Variants in PSTPIP2 observed in about 807,000 individuals in gnomAD.
The protein encoded by PSTPIP2 is proline-serine-threonine phosphatase-interacting protein 2.
A neutral mutation model predicts 63.3 loss-of-function variants in PSTPIP2; 33 were observed. The ratio of observed to expected loss-of-function variants is 0.52; its 90% CI spans 0.40 to 0.70. PSTPIP2 has a LOEUF of 0.70. Ranked by LOEUF, PSTPIP2 falls within the 30% of genes least tolerant of loss-of-function variation. The pLI is 0.00. For synonymous variants in PSTPIP2, 125 were observed against 132.7 expected (o/e 0.94, Z 0.40); for missense variants, 312 against 400.7 (o/e 0.78, Z 1.89).
chr18:46,036,173 TATA>T (rs750932513), intron 2 of PSTPIP2, among the ~76,000 whole-genome samples: 2 of 149,828 alleles, frequency 1.3e-5, no homozygotes, highest in African/African-American at 2.4e-5. Flanking sequence ...GTTAATGTGT[TATA>T]ATATTGATTG....
intron 2 of PSTPIP2, among the ~76,000 whole-genome samples, chr18:46,035,888 A>G (rs1050825338): frequency 1.3e-5 from 2 of 152,178 alleles, no homozygotes; most frequent in Non-Finnish European, 2.9e-5. Flanking sequence ...TGCAGCCAAC[A>G]TAAGTGCCAA....
intron 1 of PSTPIP2, among the ~76,000 whole-genome samples, chr18:46,044,353 G>A (rs1251061231): frequency 5.3e-5 from 8 of 152,094 alleles, no homozygotes; most frequent in Non-Finnish European, 1.5e-5. Context: ...AAATAACACT[G>A]CATATCTACA....
Position 46,072,183 on chromosome 18 carries a change from C to T in PSTPIP2, c.6G>A (p.Thr2=), listed in dbSNP as rs367809110. The part of the protein sequence containing the change: M[T]RSLFKGNFWS... ...AAAAGTTTCCCTTGAACAGTGAGCGCGTCATCGCAGCGCGAGTGGGGGCGC... is the reference window on the plus strand; with the variant it reads ...AAAAGTTTCCCTTGAACAGTGAGCGTGTCATCGCAGCGCGAGTGGGGGCGC... The change falls in exon 1 of 15, where the codon ACG becomes ACA. Residue 2 remains threonine, a synonymous_variant. Coordinates refer to ENST00000409746, the MANE Select transcript of PSTPIP2 (RefSeq NM_024430.4). 7.2e-6 allele frequency: 11 copies of T among 1,535,754 alleles called. No individual in the cohort carries two copies. In the African/African-American group the frequency reaches 1.5e-4, roughly 22 times the overall value.
chr18:46,047,875 A>G (rs9951642), intron 1 of PSTPIP2, among the ~76,000 whole-genome samples: 2,078 of 152,320 alleles, frequency 0.014, 31 homozygotes, highest in Admixed American at 0.036. Context: ...GGATATTTAC[A>G]TGGTTTCAAA....
At chr18:46,033,699 A>G (rs1286688328) in intron 2 of PSTPIP2, among the ~76,000 whole-genome samples, 11 of 52,342 alleles carry the variant, frequency 2.1e-4, no homozygotes, top group Non-Finnish European at 3.9e-4. Flanking sequence ...CTCCATCTCG[A>G]AAAAAAAAAA....
intron 3 of PSTPIP2, among the ~76,000 whole-genome samples, chr18:46,023,085 AG>A (rs1907432695): frequency 6.6e-6 from 1 of 152,156 alleles, no homozygotes; most frequent in African/African-American, 2.4e-5. Context: ...GGACACGTGG[AG>A]GGGAACAACA....
chr18:46,061,911 T>A (rs1909006159), intron 1 of PSTPIP2, among the ~76,000 whole-genome samples: 1 of 152,148 alleles, frequency 6.6e-6, no homozygotes, highest in Non-Finnish European at 1.5e-5. Context: ...ATGCCCATAT[T>A]TCTAGGGTTT....
At chr18:46,031,490 G>A (rs773367583) in intron 2 of PSTPIP2, among the ~76,000 whole-genome samples, 8 of 152,124 alleles carry the variant, frequency 5.3e-5, no homozygotes, top group Admixed American at 1.3e-4. Context: ...AATGTAAAGT[G>A]CACCTGAAGC....
chr18:46,065,115 G>A (rs1418769463), intron 1 of PSTPIP2, among the ~76,000 whole-genome samples: 2 of 127,888 alleles, frequency 1.6e-5, no homozygotes, highest in Non-Finnish European at 3.1e-5. Flanking sequence ...TTGCACTTCA[G>A]CATGGGCAAC....
chr18:46,037,832 G>A (rs978580525), intron 2 of PSTPIP2, among the ~76,000 whole-genome samples: 3 of 152,142 alleles, frequency 2.0e-5, no homozygotes, highest in Non-Finnish European at 1.5e-5. Context: ...GAAAACACAA[G>A]ACTGACTTCT....
intron 1 of PSTPIP2, among the ~76,000 whole-genome samples, chr18:46,044,258 T>C (rs564690840): frequency 6.6e-6 from 1 of 152,220 alleles, no homozygotes; most frequent in Non-Finnish European, 1.5e-5. Flanking sequence ...GACTTCAAAC[T>C]ATACTACAAG....
At chr18:46,032,571 T>C (rs1907821802) in intron 2 of PSTPIP2, among the ~76,000 whole-genome samples, 1 of 151,880 alleles carries the variant, frequency 6.6e-6, no homozygotes, top group African/African-American at 2.4e-5. Context: ...CTGGCTAAAA[T>C]GGTGAAACCC....
At chr18:46,055,386 C>T (rs1338720896) in intron 1 of PSTPIP2, among the ~76,000 whole-genome samples, 1 of 152,224 alleles carries the variant, frequency 6.6e-6, no homozygotes, top group Non-Finnish European at 1.5e-5. Context: ...GGCTGGAGTG[C>T]AGTGATGTCA....
chr18:46,038,200 T>C (rs1411207765), intron 2 of PSTPIP2, among the ~76,000 whole-genome samples: 1 of 152,222 alleles, frequency 6.6e-6, no homozygotes, highest in East Asian at 1.9e-4. Flanking sequence ...GCTGGAAGAC[T>C]AGCATTTTTA....
At chr18:45,998,668 T>C in intron 8 of PSTPIP2, 126 bp downstream of exon 8, 1 of 955,556 alleles carries the variant, frequency 1.0e-6, no homozygotes, top group Non-Finnish European at 1.6e-6. Context: ...GATATCTCAC[T>C]AATCCTGCTG....
chr18:46,034,834 A>C (rs1188886908), intron 2 of PSTPIP2, among the ~76,000 whole-genome samples: 1 of 152,238 alleles, frequency 6.6e-6, no homozygotes, highest in Non-Finnish European at 1.5e-5. Flanking sequence ...AGAATTAAAT[A>C]ATATATACAA....
intron 2 of PSTPIP2, among the ~76,000 whole-genome samples, chr18:46,031,913 A>C (rs1192769558): frequency 6.6e-6 from 1 of 152,192 alleles, no homozygotes; most frequent in South Asian, 2.1e-4. Flanking sequence ...GAAAAGAAGG[A>C]GCTTTAATGG....
intron 6 of PSTPIP2, among the ~76,000 whole-genome samples, chr18:46,005,102 T>C (rs9957387): frequency 0.13 from 19,091 of 152,084 alleles, 2,976 homozygotes; most frequent in African/African-American, 0.37. Flanking sequence ...AGCAAACTAA[T>C]GCAGGAACAG....
intron 1 of PSTPIP2, among the ~76,000 whole-genome samples, chr18:46,065,353 A>G (rs1011144241): frequency 8.6e-5 from 13 of 150,792 alleles, no homozygotes; most frequent in South Asian, 2.1e-4. Context: ...GTGCAGTGGC[A>G]TGCTCTCAGC....
Sources: gnomAD v4.1 joint callset for allele counts (sites outside exome capture counted in the v4.1 genomes callset) on GRCh38, gnomAD v4.1.1 for gene constraint, MANE v1.5 for transcripts, NCBI Gene and HGNC (gene_info 2026-07-23, HGNC 2026-07-21) for gene names.